Variants in ARNT observed in about 807,000 individuals in gnomAD.
The protein encoded by ARNT is class E basic helix-loop-helix protein 2.
A neutral mutation model predicts 105.0 loss-of-function variants in ARNT; 30 were observed. The ratio of observed to expected loss-of-function variants is 0.29; its 90% CI spans 0.21 to 0.39. The LOEUF is 0.39. Ranked by LOEUF, ARNT falls within the 10% of genes least tolerant of loss-of-function variation. The probability of loss-of-function intolerance (pLI) is 1.00; values close to 1 mark genes in which losing one functional copy is unlikely to be tolerated. For synonymous variants in ARNT, 304 were observed against 344.0 expected, an observed-to-expected ratio of 0.88 and a Z score of 1.29; for missense variants, 748 against 978.7, an observed-to-expected ratio of 0.76 and a Z score of 3.15.
At chr1:150,854,365 C>T (rs1235630777) in intron 2 of ARNT, among the ~76,000 whole-genome samples, 1 of 147,312 alleles carries the variant, frequency 6.8e-6, no homozygotes, top group African/African-American at 2.5e-5. Context: ...TAAGACCAGC[C>T]TGGGCAACAC....
At chr1:150,822,023 T>C (rs587649856) in intron 14 of ARNT, among the ~76,000 whole-genome samples, 22 of 152,058 alleles carry the variant, frequency 1.4e-4, no homozygotes, top group Admixed American at 1.4e-3. Context: ...TAGATTTGTA[T>C]ATGTTGTATG....
chr1:150,816,747 C>T (rs1181051545), intron 18 of ARNT, 41 bp downstream of exon 18: 2 of 1,529,724 alleles, frequency 1.3e-6, no homozygotes, highest in Admixed American at 2.4e-5. Flanking sequence ...CAGCTGAATC[C>T]CTCAGGGCCC....
intron 1 of ARNT, among the ~76,000 whole-genome samples, chr1:150,873,134 A>C (rs1667728097): frequency 6.6e-6 from 1 of 151,724 alleles, no homozygotes; most frequent in African/African-American, 2.4e-5. Flanking sequence ...AATACAAAAA[A>C]AAAAATTAGC....
chr1:150,864,983 A>T (rs1050976976), intron 1 of ARNT, among the ~76,000 whole-genome samples: 1 of 151,506 alleles, frequency 6.6e-6, no homozygotes, highest in Non-Finnish European at 1.5e-5. Context: ...CACCTGGATC[A>T]GATTCAACAA....
rs1654805914 is a variant in ARNT, at chr1:150,811,936, T to G, written c.*85A>C. On this transcript the variant is annotated 3_prime_UTR_variant, in exon 22 of 22. Coordinates refer to ENST00000358595, the MANE Select transcript of ARNT (RefSeq NM_001668.4). ...GTGAGGGAAGGGAAGGGAGAGGAAC[T>G]TTTATTCTGTTTACAGAAAGATTTG... 1 of 1,124,960 alleles carries G rather than the reference T, an allele frequency of 8.9e-7. No homozygotes were observed. The highest frequency in any genetic ancestry group is 1.2e-6 in the Non-Finnish European group (1 of 825,970). 69.7% of individuals were successfully genotyped at this position (1,124,960 alleles called of 1,614,324 possible). A position where few individuals can be genotyped will look rare whatever the true frequency, so the allele number is the denominator to read the frequency against.
intron 1 of ARNT, among the ~76,000 whole-genome samples, chr1:150,872,341 G>A (rs1219553836): frequency 6.6e-6 from 1 of 152,172 alleles, no homozygotes; most frequent in Non-Finnish European, 1.5e-5. Flanking sequence ...TAACAGGTAA[G>A]AATTGTGTTA....
At chr1:150,813,454 C>T (rs894360513) in intron 20 of ARNT, 116 bp from the exon 21 acceptor site, 39 of 1,072,700 alleles carry the variant, frequency 3.6e-5, no homozygotes, top group Non-Finnish European at 4.7e-5. Flanking sequence ...ATAACTCTGT[C>T]CTTCTCTCTG....
chr1:150,831,475 C>A, intron 10 of ARNT: 1 of 201,156 alleles, frequency 5.0e-6, no homozygotes, highest in Non-Finnish European at 9.9e-6. Context: ...AAGTCTTGTT[C>A]CTACTTTAGA....
chr1:150,818,092 G>A, intron 14 of ARNT, 62 bp from the exon 15 acceptor site: 3 of 1,130,168 alleles, frequency 2.7e-6, no homozygotes, highest in African/African-American at 1.5e-5. Context: ...GAGAGAGAGA[G>A]AAAGAGAAGA....
chr1:150,854,038 CCTAT>C (rs1343857969), intron 2 of ARNT, among the ~76,000 whole-genome samples: 3 of 152,136 alleles, frequency 2.0e-5, no homozygotes, highest in Non-Finnish European at 2.9e-5. Flanking sequence ...CCTGTAAAAT[CCTAT>C]CTATCTACCC....
At chr1:150,836,811 G>A (rs1660412154) in intron 6 of ARNT, among the ~76,000 whole-genome samples, 1 of 152,214 alleles carries the variant, frequency 6.6e-6, no homozygotes, top group Non-Finnish European at 1.5e-5. Context: ...GGAGGTCAAA[G>A]TGGGAGGGTC....
At chr1:150,876,440 G>A in intron 1 of ARNT, 103 bp downstream of exon 1, 1 of 1,496,128 alleles carries the variant, frequency 6.7e-7, no homozygotes, top group Non-Finnish European at 8.9e-7. Context: ...CCCCGCCCCG[G>A]CGCCTTCAGC....
intron 10 of ARNT, chr1:150,830,282 G>T: frequency 3.8e-6 from 1 of 261,750 alleles, no homozygotes. Flanking sequence ...GGAGGCGGAG[G>T]ATGCAGTGAG....
chr1:150,841,514 C>T (rs1661300990), intron 5 of ARNT, among the ~76,000 whole-genome samples: 1 of 151,790 alleles, frequency 6.6e-6, no homozygotes, highest in South Asian at 2.1e-4. Context: ...AAACTGGCAG[C>T]AAAATGAGTT....
chr1:150,845,787 A>C (rs1468759220), intron 4 of ARNT, among the ~76,000 whole-genome samples: 1 of 152,118 alleles, frequency 6.6e-6, no homozygotes, highest in African/African-American at 2.4e-5. Context: ...CTATAATCCC[A>C]GCTACTCAGG....
At chr1:150,836,154 A>G (rs1660288573) in intron 7 of ARNT, 126 bp downstream of exon 7, 1 of 815,992 alleles carries the variant, frequency 1.2e-6, no homozygotes, top group East Asian at 2.7e-5. Context: ...TATATTCATT[A>G]AAGTAGAAAA....
chr1:150,873,218 G>A (rs1667742189), intron 1 of ARNT, among the ~76,000 whole-genome samples: 1 of 151,712 alleles, frequency 6.6e-6, no homozygotes, highest in Non-Finnish European at 1.5e-5. Context: ...GAACCTGGGA[G>A]GCGGAGCTTG....
At chr1:150,828,937 A>C (rs1235869201) in intron 12 of ARNT, among the ~76,000 whole-genome samples, 156 bp downstream of exon 12, 1 of 152,242 alleles carries the variant, frequency 6.6e-6, no homozygotes, top group Non-Finnish European at 1.5e-5. Context: ...CAGTCCTAAT[A>C]GGAAGCTGAA....
Position 150,876,595 on chromosome 1 carries a change from ACCC to A in ARNT, c.-31_-29del, listed in dbSNP as rs34415707. On this transcript the variant is annotated 5_prime_UTR_variant, in exon 1 of 22. Transcript: ENST00000358595. The stretch of plus-strand genomic sequence containing the variant: ...CCGCAGATGCCACCGCCGCCGCGCC[ACCC>A]CCCCCCCCAGTGGGAGGAGCCGCCG... 1,113 of 1,360,068 alleles carry A rather than the reference ACCC, an allele frequency of 8.2e-4. 1 individual carries two copies. The highest frequency in any genetic ancestry group is 8.8e-4 in the Non-Finnish European group (887 of 1,003,636). The allele number at this position is 1,360,068 out of a possible 1,614,324, so 84.3% of individuals were successfully genotyped here.
Sources: allele counts gnomAD v4.1 joint callset (sites outside exome capture counted in the v4.1 genomes callset), GRCh38; gene constraint gnomAD v4.1.1; transcripts MANE v1.5; gene names NCBI Gene and HGNC (gene_info 2026-07-23, HGNC 2026-07-21).